NR4A3: variants seen among roughly 807,000 people sequenced by gnomAD.
NR4A3 encodes the protein nuclear receptor subfamily 4 group A member 3, also known as chondrosarcoma, extraskeletal myxoid, fused to EWS.
Under a neutral mutation model 55.6 loss-of-function variants are expected in NR4A3, and 13 were observed. The observed-to-expected ratio is 0.23, with a 90% confidence interval of 0.15 to 0.37. The LOEUF (loss-of-function observed/expected upper bound fraction) is 0.37, where lower values mean the gene tolerates loss of function less well. Ranked by LOEUF, NR4A3 falls within the 10% of genes least tolerant of loss-of-function variation. The probability of loss-of-function intolerance (pLI) is 1.00; values close to 1 mark genes in which losing one functional copy is unlikely to be tolerated. For missense variants in NR4A3, 646 were observed against 822.8 expected (o/e 0.79, Z 2.63); for synonymous variants, 342 against 357.9 (o/e 0.96, Z 0.50).
chr9:99,842,478 C>G (rs924183337), intron 5 of NR4A3, among the ~76,000 whole-genome samples: 1 of 152,132 alleles, frequency 6.6e-6, no homozygotes, highest in Non-Finnish European at 1.5e-5. Context: ...CGCCTGTAAT[C>G]CCACCACTTC....
chr9:99,857,896 A>T (rs889018290), intron 7 of NR4A3, among the ~76,000 whole-genome samples: 3 of 152,208 alleles, frequency 2.0e-5, no homozygotes, highest in African/African-American at 7.2e-5. Context: ...TTAGCTTCTT[A>T]ATAACTCCCA....
intron 7 of NR4A3, among the ~76,000 whole-genome samples, chr9:99,853,362 T>G (rs1827886541): frequency 1.5e-5 from 2 of 131,710 alleles, no homozygotes; most frequent in Non-Finnish European, 3.2e-5. Flanking sequence ...AGTTTTAGGG[T>G]ACATGTGCAC....
chr9:99,843,972 T>G (rs1208873466), intron 5 of NR4A3, among the ~76,000 whole-genome samples: 1 of 152,124 alleles, frequency 6.6e-6, no homozygotes, highest in Non-Finnish European at 1.5e-5. Flanking sequence ...CAGGCTGGTC[T>G]CGAACTCCTG....
At position 99,823,039 on chromosome 9, in the gene NR4A3, C is replaced by T. The variant is rs981055648; in HGVS notation, c.-177+632C>T. Among the ~76,000 whole-genome samples, 19 of 152,198 alleles carry T rather than the reference C, an allele frequency of 1.2e-4. 1 individual carries two copies. Among genetic ancestry groups the T allele is most frequent in the Admixed American group, 3.9e-4 (6 of 15,282 alleles). ...AATGAGCCTGGGGTTCCACTAGGCA[C>T]GTCTGCCTGTCGTCGCTGACATGCC... On this transcript the variant is annotated intron_variant, in intron 1 of 7. Transcript: ENST00000395097.
At chr9:99,832,881 A>G (rs1827474247) in intron 4 of NR4A3, 63 bp downstream of exon 4, 12 of 1,376,298 alleles carry the variant, frequency 8.7e-6, no homozygotes, top group Admixed American at 2.6e-5. Flanking sequence ...AGTGAAAAAA[A>G]GCTAATATTT....
intron 3 of NR4A3, among the ~76,000 whole-genome samples, chr9:99,829,628 T>A (rs1827400138): frequency 6.6e-6 from 1 of 152,186 alleles, no homozygotes; most frequent in South Asian, 2.1e-4. Flanking sequence ...CATTCCCTTT[T>A]CACAGCTCTG....
rs1488639915 is a variant in NR4A3, at chr9:99,828,676, G to C, written c.634G>C (p.Gly212Arg). ...CAGCCCGGCCGGCGGCCACCACCTC[G>C]GCTACGACCCGACGGCCGCTGCCGC... ...APSPAGGHHL[G>R]YDPTAAAALS... Residue 212 changes from glycine (G) to arginine (R), a missense_variant, in exon 3 of 8, where the codon GGC (glycine) becomes CGC (arginine). Physicochemically the swap from Gly to Arg is moderately radical, Grantham distance 125. Transcript: ENST00000395097. This position sits in a 1 kb window ranked among gnomAD's most constrained non-coding sequence, Gnocchi z 7.7. 4 of 1,381,626 alleles carry C rather than the reference G, an allele frequency of 2.9e-6. No homozygotes were observed. The highest frequency in any genetic ancestry group is 3.7e-6 in the Non-Finnish European group (4 of 1,075,590). The allele number at this position is 1,381,626 out of a possible 1,614,324, so 85.6% of individuals were successfully genotyped here.
intron 7 of NR4A3, among the ~76,000 whole-genome samples, chr9:99,856,214 G>C (rs1827924969): frequency 6.6e-6 from 1 of 151,488 alleles, no homozygotes; most frequent in African/African-American, 2.4e-5. Flanking sequence ...AAATCGGTGG[G>C]AACCCTGAGC....
rs1407583508 is a variant in NR4A3, at chr9:99,822,674, AT to A, written c.-177+270del. Reference sequence around the variant, plus strand: ...GCCTCTAACAAAGAGGAGGACCGGGATTTGTGCTATAGCGGCTCCAGCGATG... The same window carrying A: ...GCCTCTAACAAAGAGGAGGACCGGGATTGTGCTATAGCGGCTCCAGCGATG... On this transcript the variant is annotated intron_variant, in intron 1 of 7. Coordinates refer to ENST00000395097, the MANE Select transcript of NR4A3 (RefSeq NM_006981.4). This position sits in a 1 kb window ranked among gnomAD's most constrained non-coding sequence, Gnocchi z 4.9. Among the ~76,000 whole-genome samples, 2 of 152,018 alleles carry A rather than the reference AT, an allele frequency of 1.3e-5. No individual in the cohort carries two copies. Among genetic ancestry groups the A allele is most frequent in the Admixed American group, 1.3e-4 (2 of 15,248 alleles).
chr9:99,828,142 G>T lies in NR4A3; in HGVS notation c.100G>T (p.Asp34Tyr), dbSNP rs1355827304. 1.2e-6 allele frequency: 2 copies of T among 1,613,862 alleles called. No individual in the cohort carries two copies. Among genetic ancestry groups the T allele is most frequent in the South Asian group, 1.1e-5 (1 of 91,036 alleles). The part of the protein sequence containing the change: ...SEYTTEIMNP[D>Y]YTKLTMDLGS... The stretch of plus-strand genomic sequence containing the variant: ...ATACACCACGGAGATCATGAACCCC[G>T]ACTACACCAAGCTGACCATGGACCT... Residue 34 changes from aspartate (D) to tyrosine (Y), a missense_variant, in exon 3 of 8, where the codon GAC (aspartate) becomes TAC (tyrosine). Physicochemically the swap from Asp to Tyr is radical, Grantham distance 160. Around this residue, in one of 5 missense-constraint regions of NR4A3, gnomAD observed 426 missense variants for 429.4 expected, o/e 0.99. Transcript: ENST00000395097. This position sits in a 1 kb window ranked among gnomAD's most constrained non-coding sequence, Gnocchi z 7.7.
intron 7 of NR4A3, among the ~76,000 whole-genome samples, chr9:99,851,969 CG>C (rs1827856813): frequency 6.6e-6 from 1 of 152,152 alleles, no homozygotes; most frequent in Non-Finnish European, 1.5e-5. Flanking sequence ...GAGCCAGGCA[CG>C]CATTCTGTTG....
chr9:99,850,964 T>A (rs1044724439), intron 7 of NR4A3, among the ~76,000 whole-genome samples: 3 of 152,174 alleles, frequency 2.0e-5, no homozygotes, highest in African/African-American at 4.8e-5. Flanking sequence ...GTATGTTTGG[T>A]GACAGTCTCC....
At chr9:99,844,136 A>G (rs1004413690) in intron 5 of NR4A3, among the ~76,000 whole-genome samples, 1 of 152,072 alleles carries the variant, frequency 6.6e-6, no homozygotes, top group African/African-American at 2.4e-5. Flanking sequence ...TTTGAGAACC[A>G]CTGGGTTAAT....
chr9:99,843,461 T>C (rs902837236), intron 5 of NR4A3, among the ~76,000 whole-genome samples: 1 of 152,158 alleles, frequency 6.6e-6, no homozygotes, highest in African/African-American at 2.4e-5. Flanking sequence ...TTCTTTCTCT[T>C]GTTGATTATT....
At chr9:99,852,743 C>G (rs979797322) in intron 7 of NR4A3, among the ~76,000 whole-genome samples, 1 of 152,104 alleles carries the variant, frequency 6.6e-6, no homozygotes, top group Non-Finnish European at 1.5e-5. Context: ...AACACGACCT[C>G]TAAGACTGAG....
In NR4A3 at chr9:99,825,402, T is replaced by C. The variant is rs1827275975; in HGVS notation, c.-176-257T>C. On this transcript the variant is annotated intron_variant, in intron 1 of 7. Coordinates refer to ENST00000395097, the MANE Select transcript of NR4A3 (RefSeq NM_006981.4). This position sits in a 1 kb window ranked among gnomAD's most constrained non-coding sequence, Gnocchi z 5.0. Reference sequence around the variant, plus strand: ...CGCGTTTTTTTTTTAGCCTCGGTTTTGGTGCCACAAAACGGTGGTAGGCGC... The same window carrying C: ...CGCGTTTTTTTTTTAGCCTCGGTTTCGGTGCCACAAAACGGTGGTAGGCGC... 6.6e-6 allele frequency among the ~76,000 whole-genome samples: 1 copy of C among 152,118 alleles called. No homozygotes were observed. The highest frequency in any genetic ancestry group is 1.5e-5 in the Non-Finnish European group (1 of 67,998).
chr9:99,828,717 G>A lies in NR4A3; in HGVS notation c.675G>A (p.Leu225=), dbSNP rs1827371792. The part of the protein sequence containing the change: ...PTAAAALSLP[L]GAAAAAGSQA... The stretch of plus-strand genomic sequence containing the variant: ...CCGCTGCCGCGCTCAGCCTGCCGCT[G>A]GGAGCCGCAGCCGCCGCGGGCAGCC... Residue 225 remains leucine, a synonymous_variant, in exon 3 of 8, where the codon CTG becomes CTA. Coordinates refer to ENST00000395097, the MANE Select transcript of NR4A3 (RefSeq NM_006981.4). This position sits in a 1 kb window ranked among gnomAD's most constrained non-coding sequence, Gnocchi z 7.7. 2 of 1,304,062 alleles carry A rather than the reference G, an allele frequency of 1.5e-6. No individual in the cohort carries two copies. Among genetic ancestry groups the A allele is most frequent in the East Asian group, 6.3e-5 (2 of 31,868 alleles). The allele number at this position is 1,304,062 out of a possible 1,614,324, so 80.8% of individuals were successfully genotyped here. A position where few individuals can be genotyped will look rare whatever the true frequency, so the allele number is the denominator to read the frequency against.
chr9:99,865,310 A>G lies in NR4A3; in HGVS notation c.*1443A>G, dbSNP rs985798080. The G allele has an allele frequency of 2.9e-5, 5 of 169,824 alleles. No individual in the cohort carries two copies. The highest frequency in any genetic ancestry group is 1.2e-4 in the African/African-American group (5 of 41,790). The allele number at this position is 169,824 out of a possible 1,614,324, so 10.5% of individuals were successfully genotyped here. The stretch of plus-strand genomic sequence containing the variant: ...AGAAATTAAATAAGCAAATATATAT[A>G]TATATATAAATATAGCAGGTTACAT... On this transcript the variant is annotated 3_prime_UTR_variant, in exon 8 of 8. Transcript: ENST00000395097. The surrounding 1 kb of genome is among the most constrained non-coding windows in gnomAD (Gnocchi z 4.3).
At chr9:99,827,811 C>T (rs1461979579) in intron 2 of NR4A3, among the ~76,000 whole-genome samples, 1 of 152,154 alleles carries the variant, frequency 6.6e-6, no homozygotes, top group East Asian at 1.9e-4. Flanking sequence ...AAGATAGGTA[C>T]AGGAGTCCAC....
Sources: gnomAD v4.1 joint callset for allele counts (sites outside exome capture counted in the v4.1 genomes callset) on GRCh38, gnomAD v4.1.1 for gene constraint, gnomAD v4.1.1 regional missense constraint, Gnocchi (gnomAD v3.1) non-coding constraint, MANE v1.5 for transcripts, NCBI Gene and HGNC (gene_info 2026-07-23, HGNC 2026-07-21) for gene names.